Variants in ANGPT1 observed in about 807,000 individuals in gnomAD.
ANGPT1 encodes angiopoietin-1.
ANGPT1 carries 17 observed loss-of-function variants against 62.2 expected under a neutral mutation model. That is an observed-to-expected ratio of 0.27 (90% CI 0.19 to 0.41). The LOEUF is 0.41. Among genes scored for constraint, ANGPT1 ranks in the 10% least tolerant of loss-of-function variants. The pLI, the probability that ANGPT1 is intolerant of heterozygous loss-of-function variation, is 1.00. For synonymous variants in ANGPT1, 199 were observed against 198.9 expected, an observed-to-expected ratio of 1.00 and a Z score of 0.00; for missense variants, 478 against 594.9, an observed-to-expected ratio of 0.80 and a Z score of 2.04.
intron 1 of ANGPT1, among the ~76,000 whole-genome samples, chr8:107,405,988 T>C (rs1041460893): frequency 3.3e-5 from 5 of 151,986 alleles, no homozygotes; most frequent in East Asian, 1.9e-4. Context: ...TGTTTATGTT[T>C]AAATAATTTC....
chr8:107,274,840 T>A (rs191529847), intron 7 of ANGPT1, among the ~76,000 whole-genome samples: 175 of 152,240 alleles, frequency 1.1e-3, no homozygotes, highest in Non-Finnish European at 2.3e-3. Context: ...AAATGCTTTT[T>A]TTTCGAGACA....
At chr8:107,473,181 C>T (rs950067636) in intron 1 of ANGPT1, among the ~76,000 whole-genome samples, 1 of 151,996 alleles carries the variant, frequency 6.6e-6, no homozygotes, top group African/African-American at 2.4e-5. Flanking sequence ...TGTAACAAAA[C>T]CATTATTCTT....
At chr8:107,377,113 A>C (rs1341104023) in intron 1 of ANGPT1, among the ~76,000 whole-genome samples, 1 of 152,208 alleles carries the variant, frequency 6.6e-6, no homozygotes, top group Non-Finnish European at 1.5e-5. Context: ...CTAGCCTTAC[A>C]TAAATAAATA....
chr8:107,305,782 T>C (rs1814700442), intron 4 of ANGPT1, among the ~76,000 whole-genome samples: 1 of 152,108 alleles, frequency 6.6e-6, no homozygotes, highest in Non-Finnish European at 1.5e-5. Context: ...AAAAAAGTCA[T>C]TCTTTCCAGA....
intron 1 of ANGPT1, among the ~76,000 whole-genome samples, chr8:107,475,768 G>T (rs1382736397): frequency 6.6e-6 from 1 of 152,140 alleles, no homozygotes; most frequent in Non-Finnish European, 1.5e-5. Flanking sequence ...ATCAAAAAGT[G>T]GGTGAAGGAT....
At chr8:107,275,896 TTCTGTGACAGGA>T (rs1813853230) in intron 7 of ANGPT1, among the ~76,000 whole-genome samples, 1 of 152,112 alleles carries the variant, frequency 6.6e-6, no homozygotes, top group Non-Finnish European at 1.5e-5. Context: ...GCATTACCCA[TTCTGTGACAGGA>T]ATCCTCTGGG....
At position 107,448,220 on chromosome 8, in the gene ANGPT1, A is replaced by T. The variant is rs563290694; in HGVS notation, c.297+49042T>A. On this transcript the variant is annotated intron_variant, in intron 1 of 8. Transcript: ENST00000517746. ...TTACTTAAATACATTTTATCATTTC[A>T]GTGATTCTTAACTAAATTGTTCAAA... is the stretch of plus-strand genomic sequence containing the variant. Among the ~76,000 whole-genome samples, 5 of 152,326 alleles carry T rather than the reference A, an allele frequency of 3.3e-5. No homozygotes were observed. The East Asian group carries it at 9.6e-4, about 29-fold the overall frequency.
chr8:107,297,339 TA>T (rs2130195657), intron 5 of ANGPT1, among the ~76,000 whole-genome samples: 1 of 152,116 alleles, frequency 6.6e-6, no homozygotes, highest in Non-Finnish European at 1.5e-5. Context: ...TGCCTGAATT[TA>T]AAATCCACCT....
chr8:107,268,342 A>G (rs898648367), intron 7 of ANGPT1, among the ~76,000 whole-genome samples: 1 of 152,020 alleles, frequency 6.6e-6, no homozygotes, highest in Non-Finnish European at 1.5e-5. Context: ...TACTCAACAT[A>G]CCTACCTGGG....
rs78771452 is a variant in ANGPT1, at chr8:107,439,085, T to C, written c.297+58177A>G. ...TTTTATGCTAGTGAACATCACTTGC[T>C]TATGAGAAAAAAAGAAAGTTTAGAT... On this transcript the variant is annotated intron_variant, in intron 1 of 8. Coordinates refer to ENST00000517746, the MANE Select transcript of ANGPT1 (RefSeq NM_001146.5). Among the ~76,000 whole-genome samples the C allele has an allele frequency of 4.9e-3, 753 of 152,294 alleles. 6 individuals are homozygous for C. The highest frequency in any genetic ancestry group is 0.017 in the African/African-American group (716 of 41,560).
At chr8:107,317,748 A>G (rs576308026) in intron 4 of ANGPT1, among the ~76,000 whole-genome samples, 1 of 151,630 alleles carries the variant, frequency 6.6e-6, no homozygotes, top group East Asian at 1.9e-4. Context: ...CTCCTGCCTC[A>G]GCCTCCTGAG....
At chr8:107,428,586 T>A (rs1280894682) in intron 1 of ANGPT1, among the ~76,000 whole-genome samples, 3 of 152,006 alleles carry the variant, frequency 2.0e-5, no homozygotes, top group Non-Finnish European at 2.9e-5. Flanking sequence ...CTAATTTAGG[T>A]TTTTCTTGGT....
intron 1 of ANGPT1, among the ~76,000 whole-genome samples, chr8:107,439,503 C>G (rs1343577924): frequency 6.6e-6 from 1 of 152,080 alleles, no homozygotes; most frequent in Non-Finnish European, 1.5e-5. Context: ...TGTCAGAGAG[C>G]TTGGTAGAGT....
At chr8:107,430,962 G>A (rs1378632561) in intron 1 of ANGPT1, among the ~76,000 whole-genome samples, 1 of 152,172 alleles carries the variant, frequency 6.6e-6, no homozygotes, top group Non-Finnish European at 1.5e-5. Context: ...GCAATTATTT[G>A]AAAGGTGAAA....
chr8:107,292,119 G>T (rs1814292772), intron 6 of ANGPT1, among the ~76,000 whole-genome samples: 1 of 152,064 alleles, frequency 6.6e-6, no homozygotes, highest in Non-Finnish European at 1.5e-5. Context: ...TGCTAATACT[G>T]CTGGTCCCTG....
At chr8:107,481,962 A>G (rs535150221) in intron 1 of ANGPT1, among the ~76,000 whole-genome samples, 4 of 152,284 alleles carry the variant, frequency 2.6e-5, no homozygotes, top group Admixed American at 2.6e-4. Context: ...GGCACAGCCA[A>G]ACCATATCAG....
At chr8:107,434,773 C>T (rs1164578287) in intron 1 of ANGPT1, among the ~76,000 whole-genome samples, 2 of 152,018 alleles carry the variant, frequency 1.3e-5, no homozygotes, top group Non-Finnish European at 2.9e-5. Flanking sequence ...TAAATGTATA[C>T]CCAATAAGTT....
chr8:107,490,109 G>A (rs1373126611), intron 1 of ANGPT1, among the ~76,000 whole-genome samples: 1 of 152,070 alleles, frequency 6.6e-6, no homozygotes, highest in Admixed American at 6.6e-5. Context: ...CCCACTTATC[G>A]CTCCTCCCCT....
intron 2 of ANGPT1, among the ~76,000 whole-genome samples, chr8:107,344,104 T>C (rs1379143131): frequency 6.6e-6 from 1 of 152,098 alleles, no homozygotes; most frequent in African/African-American, 2.4e-5. Flanking sequence ...TAGGATGGTA[T>C]ATCATCTACC....
Sources: gnomAD v4.1 joint callset for allele counts (sites outside exome capture counted in the v4.1 genomes callset) on GRCh38, gnomAD v4.1.1 for gene constraint, MANE v1.5 for transcripts, NCBI Gene and HGNC (gene_info 2026-07-23, HGNC 2026-07-21) for gene names.